Variants in FLRT1 observed in about 807,000 individuals in gnomAD.
FLRT1 encodes the protein leucine-rich repeat transmembrane protein FLRT1.
FLRT1 carries 14 observed loss-of-function variants against 30.9 expected under a neutral mutation model. That is an observed-to-expected ratio of 0.45 (90% CI 0.30 to 0.71). The LOEUF (loss-of-function observed/expected upper bound fraction) is 0.71, where lower values mean the gene tolerates loss of function less well. Ranked by LOEUF, FLRT1 falls within the 30% of genes least tolerant of loss-of-function variation. The pLI is 0.08. For synonymous variants in FLRT1, 368 were observed against 430.4 expected (o/e 0.85, Z 1.80); for missense variants, 737 against 949.2 (o/e 0.78, Z 2.94).
chr11:64,104,377 G>A (rs1944722074), intron 2 of FLRT1, among the ~76,000 whole-genome samples, 196 bp downstream of exon 2: 1 of 152,090 alleles, frequency 6.6e-6, no homozygotes, highest in African/African-American at 2.4e-5. Flanking sequence ...GGCAGCTTCT[G>A]CTTGCCGGCA....
chr11:64,100,796 C>T (rs138991506), intron 1 of FLRT1, among the ~76,000 whole-genome samples: 125 of 152,286 alleles, frequency 8.2e-4, no homozygotes, highest in Non-Finnish European at 1.5e-3. Context: ...AGGGCACAGA[C>T]GCTGAGGAGC....
chr11:64,042,371 G>A (rs1212455272), intron 1 of FLRT1, among the ~76,000 whole-genome samples: 3 of 152,154 alleles, frequency 2.0e-5, no homozygotes, highest in Non-Finnish European at 4.4e-5. Context: ...CCCCCAGACA[G>A]TGGCCATCTG....
intron 1 of FLRT1, among the ~76,000 whole-genome samples, chr11:64,042,517 C>T (rs558844405): frequency 3.2e-4 from 48 of 152,266 alleles, no homozygotes; most frequent in Non-Finnish European, 3.8e-4. Flanking sequence ...TAACCTTTGA[C>T]CCCAGGGAGC....
rs537856291 is a variant in FLRT1, at chr11:64,108,066, C to G, written c.-50+3885C>G. On this transcript the variant is annotated intron_variant, in intron 2 of 2. Transcript: ENST00000682287. ...AGACTTGAGACCCCTGTAATCCCAG[C>G]ACTTTGGGAGGCCGAGGCGGGCAGA... Among the ~76,000 whole-genome samples the G allele has an allele frequency of 2.6e-5, 4 of 152,264 alleles. No individual in the cohort carries two copies. In the South Asian group the frequency reaches 8.3e-4, roughly 32 times the overall value.
intron 1 of FLRT1, among the ~76,000 whole-genome samples, chr11:64,094,271 A>C (rs1944538627): frequency 6.6e-6 from 1 of 152,178 alleles, no homozygotes; most frequent in African/African-American, 2.4e-5. Flanking sequence ...TCTACTAAAA[A>C]TACAAAAAAA....
At chr11:64,054,766 T>C (rs556427330) in intron 1 of FLRT1, among the ~76,000 whole-genome samples, 31 of 152,194 alleles carry the variant, frequency 2.0e-4, no homozygotes, top group African/African-American at 7.2e-4. Context: ...GCCAGCCCCT[T>C]CCTGCCTTGA....
chr11:64,091,422 G>A (rs1944488163), intron 1 of FLRT1, among the ~76,000 whole-genome samples: 1 of 151,032 alleles, frequency 6.6e-6, no homozygotes, highest in South Asian at 2.1e-4. Context: ...TGGCACCACC[G>A]CAGCTTTTGC....
intron 1 of FLRT1, among the ~76,000 whole-genome samples, chr11:64,092,001 G>A (rs1171210369): frequency 6.6e-6 from 1 of 152,184 alleles, no homozygotes; most frequent in Non-Finnish European, 1.5e-5. Context: ...CGGGGCTGCC[G>A]GCCCTCTATC....
intron 1 of FLRT1, among the ~76,000 whole-genome samples, chr11:64,078,544 G>A (rs1207699163): frequency 6.6e-6 from 1 of 152,252 alleles, no homozygotes; most frequent in East Asian, 1.9e-4. Context: ...GGAGCTGTCT[G>A]GGTGGGCAGT....
At chr11:64,060,889 C>T (rs1266061613) in intron 1 of FLRT1, among the ~76,000 whole-genome samples, 2 of 152,080 alleles carry the variant, frequency 1.3e-5, no homozygotes, top group Non-Finnish European at 2.9e-5. Context: ...GTGTCAGCCC[C>T]GCCCCCGAGG....
chr11:64,116,036 G>C (rs1944972801), intron 2 of FLRT1, among the ~76,000 whole-genome samples, 183 bp from the exon 3 acceptor site: 1 of 152,198 alleles, frequency 6.6e-6, no homozygotes, highest in Admixed American at 6.5e-5. Context: ...GACCTCGGCG[G>C]GAGCAATCAC....
intron 1 of FLRT1, among the ~76,000 whole-genome samples, chr11:64,069,216 C>T (rs375464321): frequency 2.0e-5 from 3 of 152,200 alleles, no homozygotes; most frequent in South Asian, 2.1e-4. Flanking sequence ...GCCGGGGGCC[C>T]GAGGTGGGCG....
chr11:64,116,978 G>C lies in FLRT1; in HGVS notation c.711G>C (p.Gln237His). 1 of 1,612,110 alleles carries C rather than the reference G, an allele frequency of 6.2e-7. No homozygotes were observed. Among genetic ancestry groups the C allele is most frequent in the Non-Finnish European group, 8.5e-7 (1 of 1,179,964 alleles). The change falls in exon 3 of 3, where the codon CAG (glutamine) becomes CAC (histidine). Residue 237 changes from glutamine to histidine, a missense_variant. Coordinates refer to ENST00000682287, the MANE Select transcript of FLRT1 (RefSeq NM_013280.5). The stretch of plus-strand genomic sequence containing the variant: ...TGGACGGTAACCTGCTGGCCAACCA[G>C]CGCATCGCCGACGACACCTTCAGCC... Reference protein sequence around the residue: ...LVLDGNLLANQRIADDTFSRL... With the variant: ...LVLDGNLLANHRIADDTFSRL...
rs144550112 is a variant in FLRT1 at position 64,117,210 on chromosome 11, G to A, written c.943G>A (p.Asp315Asn). The A allele has an allele frequency of 5.0e-5, 80 of 1,613,962 alleles. No individual in the cohort carries two copies. In the Middle Eastern group the frequency reaches 6.6e-4, roughly 13 times the overall value. Residue 315 changes from aspartate to asparagine, a missense_variant, in exon 3 of 3, where the codon GAC (aspartate) becomes AAC (asparagine). Asp to Asn is a conservative substitution (Grantham distance 23). Transcript: ENST00000682287. ...NLTTLPRGLF[D>N]DLGNLAQLLL... ...GACCACGCTGCCCCGCGGCCTGTTC[G>A]ACGACCTGGGGAACCTGGCCCAGCT...
chr11:64,105,534 C>T (rs1158637620), intron 2 of FLRT1, among the ~76,000 whole-genome samples: 1 of 152,198 alleles, frequency 6.6e-6, no homozygotes, highest in Non-Finnish European at 1.5e-5. Context: ...AGGCTGTGGC[C>T]AGCTGGAGAG....
Position 64,098,121 on chromosome 11 carries a change from C to T in FLRT1, c.-1037-5073C>T, listed in dbSNP as rs561845089. Among the ~76,000 whole-genome samples, 3 of 152,194 alleles carry T rather than the reference C, an allele frequency of 2.0e-5. No homozygotes were observed. In the South Asian group the frequency reaches 6.2e-4, roughly 31 times the overall value. ...CTCTCCTGTGCACCTGGGCACCTTC[C>T]AGGTCTCCATGCAGCAGCGAGAACA... is the stretch of plus-strand genomic sequence containing the variant. On this transcript the variant is annotated intron_variant, in intron 1 of 2. Transcript: ENST00000682287.
At chr11:64,085,987 G>A (rs1380493635) in intron 1 of FLRT1, among the ~76,000 whole-genome samples, 1 of 140,398 alleles carries the variant, frequency 7.1e-6, no homozygotes, top group Non-Finnish European at 1.6e-5. Flanking sequence ...TAGTGGGCTT[G>A]CAGCCTCAAA....
intron 1 of FLRT1, among the ~76,000 whole-genome samples, chr11:64,100,531 C>T (rs575522886): frequency 3.6e-4 from 55 of 152,302 alleles, no homozygotes; most frequent in Non-Finnish European, 5.9e-4. Flanking sequence ...TCCACTCACT[C>T]GAGCCAGAAG....
chr11:64,053,581 A>G (rs573315147), intron 1 of FLRT1, among the ~76,000 whole-genome samples: 2 of 152,256 alleles, frequency 1.3e-5, no homozygotes, highest in African/African-American at 4.8e-5. Context: ...CACAAGGGCC[A>G]GAGTGGGAGC....
Sources: allele counts gnomAD v4.1 joint callset (sites outside exome capture counted in the v4.1 genomes callset), GRCh38; gene constraint gnomAD v4.1.1; transcripts MANE v1.5; gene names NCBI Gene and HGNC (gene_info 2026-07-23, HGNC 2026-07-21).